The following NRXN3 variants were observed in gnomAD, a reference collection of about 807,000 sequenced individuals.
NRXN3 encodes neurexin III.
Under a neutral mutation model 137.6 loss-of-function variants are expected in NRXN3, and 32 were observed. The observed-to-expected ratio is 0.23, with a 90% CI of 0.18 to 0.31. NRXN3 has a LOEUF of 0.31. Among genes scored for constraint, NRXN3 ranks in the 10% least tolerant of loss-of-function variants. NRXN3 has a pLI of 1.00. For synonymous variants in NRXN3, 798 were observed against 784.5 expected (o/e 1.02, Z -0.29); for missense variants, 1,574 against 2,062.5 (o/e 0.76, Z 4.59).
rs1380765560 is a variant in NRXN3 at position 79,223,426 on chromosome 14, C to T, written c.3262+235285C>T. On this transcript the variant is annotated intron_variant, in intron 15 of 20. Coordinates refer to ENST00000335750, the MANE Select transcript of NRXN3 (RefSeq NM_001330195.2). ...CTTTTTGTTTTAATATTCTCTTATC[C>T]TGTTCATTTACTCTCATTTTTCCTT... Among the ~76,000 whole-genome samples the T allele has an allele frequency of 3.3e-5, 5 of 152,234 alleles. No individual in the cohort carries two copies. The South Asian group carries it at 8.3e-4, about 25-fold the overall frequency.
intron 6 of NRXN3, among the ~76,000 whole-genome samples, chr14:78,676,506 C>T (rs1455709061): frequency 1.3e-5 from 2 of 152,050 alleles, no homozygotes; most frequent in African/African-American, 4.8e-5. Flanking sequence ...GGTGAGGAAG[C>T]TGCAGAAGAA....
At chr14:79,042,812 T>C (rs2099627148) in intron 15 of NRXN3, among the ~76,000 whole-genome samples, 2 of 152,172 alleles carry the variant, frequency 1.3e-5, no homozygotes, top group Admixed American at 1.3e-4. Context: ...CAAATTCTTG[T>C]AAATTGGTAT....
At chr14:79,297,796 G>A (rs1384715965) in intron 15 of NRXN3, among the ~76,000 whole-genome samples, 1 of 152,100 alleles carries the variant, frequency 6.6e-6, no homozygotes, top group African/African-American at 2.4e-5. Context: ...CTGCGAGGAA[G>A]AGGCCAAAGG....
At chr14:79,165,904 C>G (rs570766435) in intron 15 of NRXN3, among the ~76,000 whole-genome samples, 6 of 152,112 alleles carry the variant, frequency 3.9e-5, no homozygotes, top group African/African-American at 1.4e-4. Flanking sequence ...CCAGGTCTCA[C>G]AACACCACGA....
intron 17 of NRXN3, among the ~76,000 whole-genome samples, chr14:79,681,465 G>A (rs575640013): frequency 6.6e-6 from 1 of 152,234 alleles, no homozygotes; most frequent in South Asian, 2.1e-4. Flanking sequence ...CCCCTCTGGG[G>A]TCTCAGTTCA....
At chr14:79,607,666 A>G (rs971917194) in intron 16 of NRXN3, among the ~76,000 whole-genome samples, 1 of 143,954 alleles carries the variant, frequency 6.9e-6, no homozygotes, top group African/African-American at 2.7e-5. Context: ...TTAAATGTTA[A>G]TCTACAATTT....
chr14:78,706,316 C>A (rs562053999), intron 6 of NRXN3, among the ~76,000 whole-genome samples: 25 of 152,304 alleles, frequency 1.6e-4, no homozygotes, highest in African/African-American at 5.5e-4. Flanking sequence ...TTTATGATTT[C>A]TTTTCTGGTT....
At chr14:79,596,257 T>C (rs1238937381) in intron 16 of NRXN3, among the ~76,000 whole-genome samples, 1 of 152,156 alleles carries the variant, frequency 6.6e-6, no homozygotes, top group Non-Finnish European at 1.5e-5. Context: ...GTCGGAAAGA[T>C]GTGAATTCAA....
At chr14:78,272,032 T>A (rs2072841149) in intron 2 of NRXN3, among the ~76,000 whole-genome samples, 1 of 152,222 alleles carries the variant, frequency 6.6e-6, no homozygotes, top group African/African-American at 2.4e-5. Flanking sequence ...CTTATGCTCA[T>A]CTTTCCTGGG....
At chr14:78,836,837 G>A (rs922291304) in intron 10 of NRXN3, among the ~76,000 whole-genome samples, 2 of 152,194 alleles carry the variant, frequency 1.3e-5, no homozygotes, top group Admixed American at 6.5e-5. Context: ...TAGACTATGA[G>A]TAGGGAAGAC....
In NRXN3 at chr14:78,347,128, C is replaced by T. The variant is rs188967906; in HGVS notation, c.757+49268C>T. 8.0e-4 allele frequency among the ~76,000 whole-genome samples: 122 copies of T among 152,260 alleles called. 1 individual carries two copies. The highest frequency in any genetic ancestry group is 4.8e-3 in the Admixed American group (74 of 15,292). ...CATTTTGAAAAAGTTTATGAATTGC[C>T]GTCAATTACAATCCCGGCGACAAAT... is the stretch of plus-strand genomic sequence containing the variant. On this transcript the variant is annotated intron_variant, in intron 4 of 20. Coordinates refer to ENST00000335750, the MANE Select transcript of NRXN3 (RefSeq NM_001330195.2).
At chr14:79,826,482 C>T (rs1353340398) in intron 20 of NRXN3, among the ~76,000 whole-genome samples, 1 of 152,160 alleles carries the variant, frequency 6.6e-6, no homozygotes, top group Non-Finnish European at 1.5e-5. Flanking sequence ...AGTATGCATA[C>T]AAAACATATT....
intron 6 of NRXN3, among the ~76,000 whole-genome samples, chr14:78,687,854 G>A (rs937089655): frequency 3.3e-5 from 5 of 152,172 alleles, no homozygotes; most frequent in African/African-American, 7.2e-5. Context: ...ACAAGGGGCC[G>A]ATAAATACAA....
chr14:78,191,199 A>G (rs2060699381), intron 1 of NRXN3, among the ~76,000 whole-genome samples: 1 of 152,176 alleles, frequency 6.6e-6, no homozygotes, highest in African/African-American at 2.4e-5. Context: ...CAGGGGGATG[A>G]CCATTGGTGA....
intron 19 of NRXN3, among the ~76,000 whole-genome samples, chr14:79,776,792 C>T (rs1472999957): frequency 6.6e-6 from 1 of 152,162 alleles, no homozygotes; most frequent in African/African-American, 2.4e-5. Flanking sequence ...TCCCAATGTA[C>T]TGGGGAGCCC....
chr14:79,603,063 G>A (rs958948414), intron 16 of NRXN3, among the ~76,000 whole-genome samples: 3 of 152,202 alleles, frequency 2.0e-5, no homozygotes, highest in African/African-American at 7.2e-5. Flanking sequence ...CTGGAATCCA[G>A]TTCTCTTTCA....
At chr14:79,480,390 G>A (rs1233161555) in intron 16 of NRXN3, among the ~76,000 whole-genome samples, 1 of 152,114 alleles carries the variant, frequency 6.6e-6, no homozygotes, top group African/African-American at 2.4e-5. Flanking sequence ...GAGTTTTGGT[G>A]TGACGTGTGA....
intron 10 of NRXN3, among the ~76,000 whole-genome samples, chr14:78,956,714 G>A (rs552360023): frequency 1.3e-5 from 2 of 152,254 alleles, no homozygotes; most frequent in African/African-American, 4.8e-5. Flanking sequence ...TGATTTCTAT[G>A]GTCGTGAATC....
At chr14:78,504,234 C>T (rs11159365) in intron 4 of NRXN3, among the ~76,000 whole-genome samples, 63,308 of 151,980 alleles carry the variant, frequency 0.42, 13,362 homozygotes, top group East Asian at 0.51. Flanking sequence ...ATTGCTCCTG[C>T]TGTAATAAGG....
Sources: allele counts gnomAD v4.1 joint callset (sites outside exome capture counted in the v4.1 genomes callset), GRCh38; gene constraint gnomAD v4.1.1; transcripts MANE v1.5; gene names NCBI Gene and HGNC (gene_info 2026-07-23, HGNC 2026-07-21).